Variants in DNAJB11 observed in about 807,000 individuals in gnomAD.
DNAJB11 encodes dnaJ homolog subfamily B member 11.
Under a neutral mutation model 47.2 loss-of-function variants are expected in DNAJB11, and 30 were observed. The observed-to-expected ratio is 0.64, with a 90% CI of 0.48 to 0.86. DNAJB11 has a LOEUF of 0.86. Among genes scored for constraint, DNAJB11 ranks in the 40% least tolerant of loss-of-function variants. The probability of loss-of-function intolerance (pLI) is 0.00; values close to 1 mark genes in which losing one functional copy is unlikely to be tolerated. For missense variants in DNAJB11, 357 were observed against 440.2 expected (o/e 0.81, Z 1.69); for synonymous variants, 151 against 159.9 (o/e 0.94, Z 0.42).
rs757301358 is a variant in DNAJB11, at chr3:186,585,442, T to C, written c.*34T>C. 17 of 1,506,702 alleles carry C rather than the reference T, an allele frequency of 1.1e-5. No individual in the cohort carries two copies. The highest frequency in any genetic ancestry group is 1.9e-5 in the Admixed American group (1 of 53,772). The allele number at this position is 1,506,702 out of a possible 1,614,324, so 93.3% of individuals were successfully genotyped here. A position where few individuals can be genotyped will look rare whatever the true frequency, so the allele number is the denominator to read the frequency against. ...AAAATTGGACTTTGTTTAAAATAAG[T>C]GAATAAGCGATATTTATTATCTGCA... On this transcript the variant is annotated 3_prime_UTR_variant, in exon 10 of 10. Coordinates refer to ENST00000265028, the MANE Select transcript of DNAJB11 (RefSeq NM_016306.6).
At chr3:186,581,919 G>T in intron 5 of DNAJB11, 76 bp from the exon 6 acceptor site, 1 of 1,215,004 alleles carries the variant, frequency 8.2e-7, no homozygotes. Flanking sequence ...GATAAAATAG[G>T]TATAACTTTA....
chr3:186,571,021 G>GA, intron 1 of DNAJB11, 56 bp downstream of exon 1: 14 of 1,003,522 alleles, frequency 1.4e-5, no homozygotes, highest in South Asian at 6.3e-5. Context: ...TTGCTGGGGG[G>GA]TGGGAGGGGG....
Position 186,584,498 on chromosome 3 carries a change from C to T in DNAJB11, c.921C>T (p.Pro307=). The stretch of plus-strand genomic sequence containing the variant: ...TATGGAAGAAAGGGGAAGGGCTCCC[C>T]AACTTTGACAACAACAATATCAAGG... The part of the protein sequence containing the change: ...AKLWKKGEGL[P]NFDNNNIKGS... The change falls in exon 9 of 10, where the codon CCC becomes CCT. Residue 307 remains proline, a synonymous_variant. Transcript: ENST00000265028. 1 of 1,600,864 alleles carries T rather than the reference C, an allele frequency of 6.2e-7. No homozygotes were observed. The highest frequency in any genetic ancestry group is 2.3e-5 in the East Asian group (1 of 44,256).
intron 2 of DNAJB11, among the ~76,000 whole-genome samples, chr3:186,575,366 C>CGTGT (rs1372975374): frequency 2.0e-5 from 2 of 101,128 alleles, no homozygotes; most frequent in African/African-American, 6.6e-5. Context: ...CGCGCGCGCG[C>CGTGT]GCGTGTGTGT....
intron 5 of DNAJB11, 42 bp from the exon 6 acceptor site, chr3:186,581,953 A>G: frequency 4.7e-6 from 7 of 1,495,572 alleles, no homozygotes; most frequent in Non-Finnish European, 5.5e-6. Flanking sequence ...TTTTGTTTAT[A>G]TTTTCATTAT....
In DNAJB11 at chr3:186,572,269, A is replaced by G. The variant is rs1371032953; in HGVS notation, c.225+18A>G. 2 of 1,594,414 alleles carry G rather than the reference A, an allele frequency of 1.3e-6. No homozygotes were observed. Among genetic ancestry groups the G allele is most frequent in the Non-Finnish European group, 1.7e-6 (2 of 1,173,930 alleles). ...CTTATGAGGTGAGTTGGGAAAAGTG[A>G]TAAAGTACGAATAAAATCTGTAGCT... On this transcript the variant is annotated intron_variant, in intron 2 of 9. Transcript: ENST00000265028.
At position 186,581,931 on chromosome 3, in the gene DNAJB11, C is replaced by G. The variant is rs1357797837; in HGVS notation, c.600-64C>G. The G allele has an allele frequency of 2.2e-6, 3 of 1,338,764 alleles. No homozygotes were observed. In the African/African-American group the frequency reaches 4.4e-5, roughly 20 times the overall value. 82.9% of individuals were successfully genotyped at this position (1,338,764 alleles called of 1,614,324 possible). A position where few individuals can be genotyped will look rare whatever the true frequency, so the allele number is the denominator to read the frequency against. Reference sequence around the variant, plus strand: ...TCTGATAAAATAGGTATAACTTTATCTATATCTGATGTTTTGTTTATATTT... The same window carrying G: ...TCTGATAAAATAGGTATAACTTTATGTATATCTGATGTTTTGTTTATATTT... On this transcript the variant is annotated intron_variant, in intron 5 of 9. Transcript: ENST00000265028.
intron 2 of DNAJB11, among the ~76,000 whole-genome samples, chr3:186,573,109 T>A (rs1013409502): frequency 6.6e-6 from 1 of 152,214 alleles, no homozygotes; most frequent in Non-Finnish European, 1.5e-5. Context: ...ATATTTTTAT[T>A]CTCATTTTCT....
intron 1 of DNAJB11, 21 bp from the exon 2 acceptor site, chr3:186,572,074 T>C (rs1715081096): frequency 1.3e-6 from 2 of 1,547,682 alleles, no homozygotes; most frequent in Non-Finnish European, 1.7e-6. Flanking sequence ...TAATGAAGTA[T>C]TCTCTCCCTC....
chr3:186,582,211 C>A, intron 6 of DNAJB11, 134 bp downstream of exon 6: 2 of 679,044 alleles, frequency 2.9e-6, no homozygotes, highest in Non-Finnish European at 5.0e-6. Context: ...CAACACTCTT[C>A]GGCCAATTTT....
chr3:186,575,339 C>T (rs74738606), intron 2 of DNAJB11, among the ~76,000 whole-genome samples: 2,240 of 149,940 alleles, frequency 0.015, 54 homozygotes, highest in African/African-American at 0.053. Context: ...CTTGACTTGA[C>T]AATCTCCTAA....
chr3:186,575,840 G>T lies in DNAJB11; in HGVS notation c.226G>T (p.Val76Phe). The T allele has an allele frequency of 6.2e-7, 1 of 1,612,634 alleles. No homozygotes were observed. Among genetic ancestry groups the T allele is most frequent in the East Asian group, 2.2e-5 (1 of 44,854 alleles). Reference sequence around the variant, plus strand: ...TTCCTCCACTGGCTTTTATCCCCAGGTTCTGTCAGATAGTGAGAAACGGAA... The same window carrying T: ...TTCCTCCACTGGCTTTTATCCCCAGTTTCTGTCAGATAGTGAGAAACGGAA... ...KFQDLGAAYEVLSDSEKRKQY... is the reference protein window; with the variant it reads ...KFQDLGAAYEFLSDSEKRKQY... The change falls in exon 3 of 10, where the codon GTT becomes TTT. Residue 76 changes from valine (V) to phenylalanine (F), a missense_variant and splice_region_variant. Transcript: ENST00000265028.
Position 186,585,335 on chromosome 3 carries a change from T to C in DNAJB11, c.1013-9T>C. 6.2e-7 allele frequency: 1 copy of C among 1,609,036 alleles called. No homozygotes were observed. The highest frequency in any genetic ancestry group is 1.1e-5 in the South Asian group (1 of 89,930). The stretch of plus-strand genomic sequence containing the variant: ...TGTTAATGGAGTCATTTGTTCATTC[T>C]TTCTTCAGGTATCAAACAGCTACTG... On this transcript the variant is annotated splice_polypyrimidine_tract_variant and intron_variant, in intron 9 of 9. Transcript: ENST00000265028.
intron 9 of DNAJB11, 26 bp downstream of exon 9, chr3:186,584,615 G>GTGTGTGTGTGTGTGTGTGTT: frequency 6.6e-7 from 1 of 1,513,056 alleles, no homozygotes. Context: ...GTGTGTGTGT[G>GTGTGTGTGTGTGTGTGTGTT]TGTGTGTTTG....
rs1413255118 is a variant in DNAJB11 at position 186,585,588 on chromosome 3, A to G, written c.*180A>G. The G allele has an allele frequency of 4.6e-6, 2 of 436,644 alleles. No homozygotes were observed. The highest frequency in any genetic ancestry group is 4.1e-6 in the Non-Finnish European group (1 of 242,070). 27.0% of individuals were successfully genotyped at this position (436,644 alleles called of 1,614,324 possible). ...TAAGAATTTGTCCATTTGCATTCGG[A>G]AAAGAATGACCAGCAAAAGGTTTAC... On this transcript the variant is annotated 3_prime_UTR_variant, in exon 10 of 10. Transcript: ENST00000265028.
intron 2 of DNAJB11, among the ~76,000 whole-genome samples, chr3:186,575,058 A>T (rs1376035232): frequency 6.6e-6 from 1 of 152,270 alleles, no homozygotes; most frequent in Non-Finnish European, 1.5e-5. Context: ...GAGAGAAAGC[A>T]TATAGTCATG....
intron 4 of DNAJB11, chr3:186,579,483 A>T (rs1715409178): frequency 6.6e-6 from 1 of 152,180 alleles, no homozygotes. Context: ...TTCCCTCCTT[A>T]AGTATTATCA....
In DNAJB11 at chr3:186,581,552, T is replaced by C. The variant is rs779602209; in HGVS notation, c.599+39T>C. The C allele has an allele frequency of 5.6e-6, 9 of 1,599,494 alleles. No homozygotes were observed. In the South Asian group the frequency reaches 8.9e-5, roughly 16 times the overall value. ...CCTTCTTTGTTCTACCAAGAAACAC[T>C]TGTTAATTTCGTTCATCTAGTCAAA... On this transcript the variant is annotated intron_variant, in intron 5 of 9. Coordinates refer to ENST00000265028, the MANE Select transcript of DNAJB11 (RefSeq NM_016306.6).
intron 6 of DNAJB11, among the ~76,000 whole-genome samples, chr3:186,582,374 A>T (rs1403164520): frequency 6.6e-6 from 1 of 152,206 alleles, no homozygotes; most frequent in African/African-American, 2.4e-5. Flanking sequence ...ATGAAAGAAG[A>T]TATGTAACTC....
Sources: gnomAD v4.1 joint callset for allele counts (sites outside exome capture counted in the v4.1 genomes callset) on GRCh38, gnomAD v4.1.1 for gene constraint, MANE v1.5 for transcripts, NCBI Gene and HGNC (gene_info 2026-07-23, HGNC 2026-07-21) for gene names.